Variants in SEMA6D observed in about 807,000 individuals in gnomAD.
SEMA6D encodes semaphorin-6D.
In SEMA6D, 35 loss-of-function variants were observed where a neutral mutation model predicts 106.6. The observed-to-expected ratio is 0.33, with a 90% CI of 0.25 to 0.44. The LOEUF (loss-of-function observed/expected upper bound fraction) is 0.44. SEMA6D is among the 20% of genes least tolerant of loss of function. The probability of loss-of-function intolerance (pLI) is 1.00; values close to 1 mark genes in which losing one functional copy is unlikely to be tolerated. For synonymous variants in SEMA6D, 499 were observed against 487.7 expected (o/e 1.02, Z -0.31); for missense variants, 1,185 against 1,345.9 (o/e 0.88, Z 1.87).
intron 2 of SEMA6D, among the ~76,000 whole-genome samples, chr15:47,455,627 A>G (rs2042324084): frequency 6.6e-6 from 1 of 152,076 alleles, no homozygotes; most frequent in East Asian, 1.9e-4. Context: ...GGTTGAGGTC[A>G]GGCCTGGTAG....
At chr15:47,478,018 G>T (rs281319) in intron 3 of SEMA6D, among the ~76,000 whole-genome samples, 1 of 152,180 alleles carries the variant, frequency 6.6e-6, no homozygotes, top group African/African-American at 2.4e-5. Context: ...ATAATATCAC[G>T]CAGCAATTCT....
At chr15:47,373,390 A>G (rs537677915) in intron 1 of SEMA6D, among the ~76,000 whole-genome samples, 2 of 152,224 alleles carry the variant, frequency 1.3e-5, no homozygotes, top group African/African-American at 4.8e-5. Context: ...TACCCCATAT[A>G]TGACATACAT....
chr15:47,697,050 A>G (rs544505052), intron 4 of SEMA6D, among the ~76,000 whole-genome samples: 6 of 152,158 alleles, frequency 3.9e-5, no homozygotes, highest in Non-Finnish European at 8.8e-5. Flanking sequence ...TAGGGGTCCA[A>G]TAAATTTTTA....
intron 1 of SEMA6D, among the ~76,000 whole-genome samples, chr15:47,275,625 G>A (rs1415044029): frequency 6.6e-6 from 1 of 152,094 alleles, no homozygotes; most frequent in Non-Finnish European, 1.5e-5. Flanking sequence ...GATAAAATTT[G>A]TGTGTGGTCT....
chr15:47,675,854 G>A (rs1278735592), intron 4 of SEMA6D, among the ~76,000 whole-genome samples: 1 of 151,256 alleles, frequency 6.6e-6, no homozygotes, highest in Non-Finnish European at 1.5e-5. Flanking sequence ...AGGGAAGCTG[G>A]CCCCTGTAGC....
chr15:47,448,129 C>G (rs1185278432), intron 2 of SEMA6D, among the ~76,000 whole-genome samples: 1 of 152,070 alleles, frequency 6.6e-6, no homozygotes, highest in Non-Finnish European at 1.5e-5. Flanking sequence ...CACAGGCTGG[C>G]TTGCTGCTGT....
At chr15:47,268,780 G>T (rs112591928) in intron 1 of SEMA6D, among the ~76,000 whole-genome samples, 192 of 152,250 alleles carry the variant, frequency 1.3e-3, no homozygotes, top group African/African-American at 4.4e-3. Flanking sequence ...GTGGGTTGAT[G>T]TTGGGGCCAG....
At chr15:47,481,343 C>G (rs755655758) in intron 3 of SEMA6D, among the ~76,000 whole-genome samples, 2 of 152,152 alleles carry the variant, frequency 1.3e-5, no homozygotes, top group Non-Finnish European at 2.9e-5. Context: ...TGCAGAGTAG[C>G]TCTGTACTTA....
At chr15:47,280,166 C>T (rs927110262) in intron 1 of SEMA6D, among the ~76,000 whole-genome samples, 179 of 152,088 alleles carry the variant, frequency 1.2e-3, no homozygotes, top group African/African-American at 2.4e-3. Context: ...CTGGACTCTT[C>T]TTGGTTGGTA....
At chr15:47,308,548 C>A (rs538226868) in intron 1 of SEMA6D, among the ~76,000 whole-genome samples, 1 of 152,090 alleles carries the variant, frequency 6.6e-6, no homozygotes, top group Non-Finnish European at 1.5e-5. Flanking sequence ...GAACGAATCC[C>A]GTAAGACACA....
At chr15:47,584,189 A>C (rs1422418622) in intron 3 of SEMA6D, among the ~76,000 whole-genome samples, 1 of 152,186 alleles carries the variant, frequency 6.6e-6, no homozygotes, top group African/African-American at 2.4e-5. Context: ...TTGGGAGTCC[A>C]GGGCAGATGG....
chr15:47,761,865 C>A lies in SEMA6D; in HGVS notation c.538+114C>A. On this transcript the variant is annotated intron_variant, in intron 7 of 18. Transcript: ENST00000536845. ...GGATACCCACCTTGATCTAAGTGTT[C>A]GAAAGGCTAGAATCTATGCACAAAT... The A allele has an allele frequency of 6.6e-6, 6 of 914,834 alleles. No individual in the cohort carries two copies. In the South Asian group the frequency reaches 6.9e-5, roughly 11 times the overall value. 56.7% of individuals were successfully genotyped at this position (914,834 alleles called of 1,614,324 possible).
rs1210667628 is a variant in SEMA6D at position 47,216,836 on chromosome 15, CA to C, written c.-239+32426del. Among the ~76,000 whole-genome samples, 7 of 151,500 alleles carry C rather than the reference CA, an allele frequency of 4.6e-5. No homozygotes were observed. The East Asian group carries it at 5.8e-4, about 13-fold the overall frequency. On this transcript the variant is annotated intron_variant, in intron 1 of 19. Coordinates refer to the SEMA6D transcript ENST00000558014. ...TGCAATTTTTAATCTATGAGTTTGG[CA>C]AAAAAAATTAGAAATTTGCTAATAC...
intron 1 of SEMA6D, among the ~76,000 whole-genome samples, chr15:47,256,884 G>A (rs1348038607): frequency 6.6e-6 from 1 of 151,796 alleles, no homozygotes; most frequent in Admixed American, 6.6e-5. Flanking sequence ...AATAAAAAAT[G>A]CTAAAATATT....
chr15:47,489,995 A>G (rs570462387), intron 3 of SEMA6D, among the ~76,000 whole-genome samples: 10 of 152,284 alleles, frequency 6.6e-5, no homozygotes, highest in Admixed American at 2.6e-4. Context: ...TAGCCTTGGC[A>G]TATGTTAATA....
intron 1 of SEMA6D, among the ~76,000 whole-genome samples, chr15:47,725,094 G>A (rs2079654705): frequency 1.3e-5 from 2 of 152,144 alleles, no homozygotes; most frequent in Admixed American, 6.5e-5. Context: ...ATGTATATGA[G>A]GATTTTTGGA....
chr15:47,529,645 A>C (rs2044886699), intron 3 of SEMA6D, among the ~76,000 whole-genome samples: 1 of 150,012 alleles, frequency 6.7e-6, no homozygotes, highest in Non-Finnish European at 1.5e-5. Context: ...TTTGAGGCAC[A>C]CTTTTTTACT....
At chr15:47,317,290 T>A (rs2036721508) in intron 1 of SEMA6D, among the ~76,000 whole-genome samples, 1 of 152,124 alleles carries the variant, frequency 6.6e-6, no homozygotes, top group Admixed American at 6.6e-5. Context: ...TTATGATGTC[T>A]CTCTCCCTCT....
chr15:47,546,302 A>T (rs1251334350), intron 3 of SEMA6D, among the ~76,000 whole-genome samples: 1 of 152,170 alleles, frequency 6.6e-6, no homozygotes, highest in Non-Finnish European at 1.5e-5. Context: ...TGGGAATCCA[A>T]GACTCAATAA....
Sources: allele counts gnomAD v4.1 joint callset (sites outside exome capture counted in the v4.1 genomes callset), GRCh38; gene constraint gnomAD v4.1.1; transcripts MANE v1.5; gene names NCBI Gene and HGNC (gene_info 2026-07-23, HGNC 2026-07-21).